ROBO1: variants seen among roughly 807,000 people sequenced by gnomAD.
ROBO1 encodes the protein roundabout guidance receptor 1, also known as roundabout homolog 1.
ROBO1 carries 149 observed loss-of-function variants against 195.9 expected under a neutral mutation model. The observed-to-expected ratio is 0.76, with a 90% CI of 0.67 to 0.87. The LOEUF (loss-of-function observed/expected upper bound fraction) is 0.87, where lower values mean the gene tolerates loss of function less well. Ranked by LOEUF, ROBO1 falls within the 40% of genes least tolerant of loss-of-function variation. ROBO1 has a pLI of 0.00. For synonymous variants in ROBO1, 816 were observed against 733.2 expected (o/e 1.11, Z -1.82); for missense variants, 1,933 against 2,068.3 (o/e 0.93, Z 1.27).
At chr3:78,916,531 A>T (rs2038602574) in intron 4 of ROBO1, among the ~76,000 whole-genome samples, 1 of 150,922 alleles carries the variant, frequency 6.6e-6, no homozygotes, top group Non-Finnish European at 1.5e-5. Flanking sequence ...CAGCCTGGAC[A>T]ACAGAGCAAG....
At chr3:78,713,325 T>C (rs2081813414) in intron 8 of ROBO1, among the ~76,000 whole-genome samples, 1 of 152,128 alleles carries the variant, frequency 6.6e-6, no homozygotes, top group Non-Finnish European at 1.5e-5. Flanking sequence ...AAGCCCACAG[T>C]AGAAATGCTC....
chr3:79,151,091 T>C (rs1332540322), intron 2 of ROBO1, among the ~76,000 whole-genome samples: 1 of 151,866 alleles, frequency 6.6e-6, no homozygotes, highest in Non-Finnish European at 1.5e-5. Flanking sequence ...GGAGTTCCCC[T>C]GCACAAGCTC....
chr3:78,812,295 C>A (rs1415712646), intron 4 of ROBO1, among the ~76,000 whole-genome samples: 2 of 152,088 alleles, frequency 1.3e-5, no homozygotes, highest in Non-Finnish European at 2.9e-5. Flanking sequence ...TCATTGTTCA[C>A]CCCACTGCCT....
At chr3:78,876,875 T>TA (rs1202690364) in intron 4 of ROBO1, among the ~76,000 whole-genome samples, 2 of 146,248 alleles carry the variant, frequency 1.4e-5, no homozygotes, top group Non-Finnish European at 3.0e-5. Flanking sequence ...TTCCACTAGA[T>TA]TTTTTTTTTT....
chr3:79,607,550 C>G (rs1470681787), intron 1 of ROBO1, among the ~76,000 whole-genome samples: 2 of 150,798 alleles, frequency 1.3e-5, no homozygotes, highest in Admixed American at 1.3e-4. Flanking sequence ...ATTTTTTCCT[C>G]ATTGCATTAT....
chr3:79,455,761 A>G (rs2039599586), intron 2 of ROBO1, among the ~76,000 whole-genome samples: 1 of 152,102 alleles, frequency 6.6e-6, no homozygotes, highest in Non-Finnish European at 1.5e-5. Context: ...CTTTTCTGCC[A>G]TGAAGTCTAA....
intron 3 of ROBO1, among the ~76,000 whole-genome samples, chr3:78,994,564 A>G (rs1256662212): frequency 6.6e-6 from 1 of 152,188 alleles, no homozygotes; most frequent in East Asian, 1.9e-4. Context: ...AGAACTTTCA[A>G]TTGGAAATAC....
At chr3:78,988,410 T>C (rs944353103) in intron 3 of ROBO1, among the ~76,000 whole-genome samples, 1 of 152,158 alleles carries the variant, frequency 6.6e-6, no homozygotes, top group Non-Finnish European at 1.5e-5. Context: ...GAATAACACC[T>C]TCCCTAACTT....
intron 2 of ROBO1, among the ~76,000 whole-genome samples, chr3:79,172,724 C>T (rs1386812323): frequency 1.3e-5 from 2 of 152,102 alleles, no homozygotes; most frequent in Middle Eastern, 3.4e-3. Context: ...CTGAGCACTG[C>T]ATTATTGACT....
intron 1 of ROBO1, among the ~76,000 whole-genome samples, chr3:79,601,677 C>T (rs992685386): frequency 1.3e-4 from 20 of 151,808 alleles, no homozygotes; most frequent in Admixed American, 7.2e-4. Context: ...CTGAAGATTG[C>T]CTTTACCTTA....
chr3:79,694,544 T>C (rs1576242155), intron 1 of ROBO1, among the ~76,000 whole-genome samples: 1 of 151,876 alleles, frequency 6.6e-6, no homozygotes, highest in Non-Finnish European at 1.5e-5. Flanking sequence ...ATGGCTTGCA[T>C]TTTCACCATC....
intron 2 of ROBO1, among the ~76,000 whole-genome samples, chr3:79,338,326 T>C (rs534997110): frequency 1.3e-5 from 2 of 152,326 alleles, no homozygotes; most frequent in South Asian, 2.1e-4. Context: ...TAAATTTACA[T>C]TTCTCTCAAA....
At chr3:79,603,222 T>A (rs1281702814) in intron 1 of ROBO1, among the ~76,000 whole-genome samples, 1 of 151,900 alleles carries the variant, frequency 6.6e-6, no homozygotes, top group African/African-American at 2.4e-5. Context: ...TCTGCTTTAA[T>A]GGATGAGGTC....
At chr3:79,514,449 C>A (rs557820758) in intron 2 of ROBO1, among the ~76,000 whole-genome samples, 89 of 152,148 alleles carry the variant, frequency 5.8e-4, no homozygotes, top group African/African-American at 2.0e-3. Flanking sequence ...TTGAAAATTT[C>A]TTTTGGTCAA....
intron 4 of ROBO1, among the ~76,000 whole-genome samples, chr3:78,926,096 C>T (rs577645335): frequency 6.6e-6 from 1 of 152,180 alleles, no homozygotes; most frequent in East Asian, 1.9e-4. Context: ...GTCTCAAACT[C>T]CTGACCTCAT....
At chr3:78,820,263 G>A (rs2030746280) in intron 4 of ROBO1, among the ~76,000 whole-genome samples, 1 of 152,108 alleles carries the variant, frequency 6.6e-6, no homozygotes, top group Non-Finnish European at 1.5e-5. Context: ...TTTTTTGTAT[G>A]TATCTATGTA....
chr3:79,304,266 A>G (rs2109071553), intron 2 of ROBO1, among the ~76,000 whole-genome samples: 1 of 152,316 alleles, frequency 6.6e-6, no homozygotes, highest in South Asian at 2.1e-4. Context: ...ATTATGTAAT[A>G]CACTTAATTT....
At chr3:79,269,300 A>C (rs946201296) in intron 2 of ROBO1, among the ~76,000 whole-genome samples, 5 of 151,728 alleles carry the variant, frequency 3.3e-5, no homozygotes, top group Non-Finnish European at 7.4e-5. Context: ...TTAGTATTTC[A>C]AGTATTTAGC....
At chr3:78,620,699 CT>C (rs1319041416) in intron 26 of ROBO1, among the ~76,000 whole-genome samples, 6 of 152,086 alleles carry the variant, frequency 3.9e-5, no homozygotes, top group African/African-American at 1.4e-4. Context: ...AATTCAATAA[CT>C]TTTTGAGTTA....
Sources: gnomAD v4.1 joint callset for allele counts (sites outside exome capture counted in the v4.1 genomes callset) on GRCh38, gnomAD v4.1.1 for gene constraint, MANE v1.5 for transcripts, NCBI Gene and HGNC (gene_info 2026-07-23, HGNC 2026-07-21) for gene names.